The following BANK1 variants were observed in gnomAD, a reference collection of about 807,000 sequenced individuals.
The protein encoded by BANK1 is B-cell scaffold protein with ankyrin repeats.
Under a neutral mutation model 94.5 loss-of-function variants are expected in BANK1, and 95 were observed. That is an observed-to-expected ratio of 1.00 (90% CI 0.85 to 1.19). The LOEUF is 1.19. BANK1 is among the 50% of genes most tolerant of loss of function. The probability of loss-of-function intolerance (pLI) is 0.00; values close to 1 mark genes in which losing one functional copy is unlikely to be tolerated. For missense variants in BANK1, 987 were observed against 932.2 expected (o/e 1.06, Z -0.77); for synonymous variants, 334 against 308.4 (o/e 1.08, Z -0.87).
intron 7 of BANK1, among the ~76,000 whole-genome samples, chr4:101,992,435 C>G (rs1469021590): frequency 6.6e-6 from 1 of 152,040 alleles, no homozygotes; most frequent in African/African-American, 2.4e-5. Context: ...ACAAAAATAT[C>G]TTGGATTATG....
At chr4:101,885,423 A>G (rs1219641098) in intron 5 of BANK1, among the ~76,000 whole-genome samples, 1 of 152,190 alleles carries the variant, frequency 6.6e-6, no homozygotes, top group Non-Finnish European at 1.5e-5. Context: ...TTCCCAGACC[A>G]TGCCATGCAG....
chr4:101,872,752 C>A (rs1056354332), intron 5 of BANK1, among the ~76,000 whole-genome samples: 1 of 151,940 alleles, frequency 6.6e-6, no homozygotes, highest in African/African-American at 2.4e-5. Context: ...TTTAGGAGTT[C>A]GAGGCAGGTG....
chr4:101,880,118 G>A (rs4635818), intron 5 of BANK1, among the ~76,000 whole-genome samples: 11,452 of 152,044 alleles, frequency 0.075, 634 homozygotes, highest in Admixed American at 0.19. Flanking sequence ...ATAAATAAAG[G>A]CATCCAAACT....
chr4:101,906,111 G>A (rs1722438557), intron 6 of BANK1, among the ~76,000 whole-genome samples: 1 of 152,156 alleles, frequency 6.6e-6, no homozygotes, highest in Admixed American at 6.5e-5. Context: ...AGCCTGAATG[G>A]AAGTTTTATC....
rs374418937 is a variant in BANK1 at position 101,812,785 on chromosome 4, A to G, written c.71-17023A>G. On this transcript the variant is annotated intron_variant, in intron 1 of 16. Coordinates refer to ENST00000322953, the MANE Select transcript of BANK1 (RefSeq NM_017935.5). ...CAAAGCAACCCCACCAGGAATTTCC[A>G]ATGCTTCATTATTTCAGTTCAGAAA... Among the ~76,000 whole-genome samples the G allele has an allele frequency of 3.9e-5, 6 of 152,192 alleles. No individual in the cohort carries two copies. In the South Asian group the frequency reaches 1.2e-3, roughly 32 times the overall value.
chr4:101,797,286 G>T (rs184684972), intron 1 of BANK1, among the ~76,000 whole-genome samples: 2 of 152,098 alleles, frequency 1.3e-5, no homozygotes, highest in Non-Finnish European at 2.9e-5. Context: ...ATGTGACAAG[G>T]TTACACTCAC....
chr4:101,986,833 GTATA>G (rs1422267398), intron 7 of BANK1, among the ~76,000 whole-genome samples: 4 of 98,490 alleles, frequency 4.1e-5, no homozygotes, highest in African/African-American at 1.8e-4. Flanking sequence ...GTATATATAT[GTATA>G]TATATGTGTA....
At chr4:101,801,207 G>A (rs529007304) in intron 1 of BANK1, among the ~76,000 whole-genome samples, 1 of 152,094 alleles carries the variant, frequency 6.6e-6, no homozygotes, top group Admixed American at 6.6e-5. Context: ...AGTTTTCAAA[G>A]ACTGAGCACA....
intron 3 of BANK1, among the ~76,000 whole-genome samples, chr4:101,858,167 A>T (rs184123703): frequency 6.6e-6 from 1 of 152,268 alleles, no homozygotes; most frequent in African/African-American, 2.4e-5. Flanking sequence ...TCCCTCAAAG[A>T]AGTGGCTCTC....
intron 10 of BANK1, among the ~76,000 whole-genome samples, chr4:102,030,806 A>G (rs1727280863): frequency 6.6e-6 from 1 of 152,154 alleles, no homozygotes; most frequent in Non-Finnish European, 1.5e-5. Context: ...TCCATGGTGT[A>G]TATATGCCAC....
intron 7 of BANK1, among the ~76,000 whole-genome samples, chr4:101,939,558 G>C (rs181605441): frequency 8.6e-5 from 13 of 151,822 alleles, no homozygotes; most frequent in African/African-American, 2.9e-4. Flanking sequence ...GGAGTAGAGA[G>C]ACAGAGGTTG....
At chr4:101,814,748 T>A (rs1725844386) in intron 1 of BANK1, among the ~76,000 whole-genome samples, 1 of 152,216 alleles carries the variant, frequency 6.6e-6, no homozygotes, top group African/African-American at 2.4e-5. Context: ...CGTTTTTGTT[T>A]AACATTTTTG....
chr4:101,862,331 G>GCGT (rs1432401478), intron 3 of BANK1, among the ~76,000 whole-genome samples, 195 bp from the exon 4 acceptor site: 3 of 152,010 alleles, frequency 2.0e-5, no homozygotes, highest in Non-Finnish European at 4.4e-5. Flanking sequence ...ACAATAAAAA[G>GCGT]AAATTTGATA....
At chr4:101,913,478 T>G (rs945182625) in intron 6 of BANK1, among the ~76,000 whole-genome samples, 1 of 152,196 alleles carries the variant, frequency 6.6e-6, no homozygotes, top group Non-Finnish European at 1.5e-5. Flanking sequence ...CTTTGCTTCC[T>G]AGAATTACCT....
At chr4:101,959,407 G>A (rs1724489482) in intron 7 of BANK1, among the ~76,000 whole-genome samples, 1 of 152,062 alleles carries the variant, frequency 6.6e-6, no homozygotes, top group South Asian at 2.1e-4. Flanking sequence ...CAAAGTGCTG[G>A]GATTACAGGC....
intron 3 of BANK1, among the ~76,000 whole-genome samples, chr4:101,856,311 G>A (rs1213456019): frequency 6.6e-6 from 1 of 152,154 alleles, no homozygotes; most frequent in Non-Finnish European, 1.5e-5. Context: ...GAGACCCCAG[G>A]AAACGGAACT....
At chr4:102,065,422 G>C (rs1250731443) in intron 13 of BANK1, among the ~76,000 whole-genome samples, 1 of 152,082 alleles carries the variant, frequency 6.6e-6, no homozygotes, top group African/African-American at 2.4e-5. Context: ...ACAAGTTCTT[G>C]ACAGTAATTG....
At chr4:102,015,522 T>C (rs1726664502) in intron 7 of BANK1, among the ~76,000 whole-genome samples, 1 of 152,212 alleles carries the variant, frequency 6.6e-6, no homozygotes, top group Non-Finnish European at 1.5e-5. Context: ...GTAGATTAAA[T>C]TGACCTCAAA....
At chr4:102,012,761 G>A (rs1014480459) in intron 7 of BANK1, among the ~76,000 whole-genome samples, 3 of 151,652 alleles carry the variant, frequency 2.0e-5, no homozygotes, top group African/African-American at 7.3e-5. Context: ...GCTTGTTTTT[G>A]TTTGTTTGTT....
Sources: gnomAD v4.1 joint callset for allele counts (sites outside exome capture counted in the v4.1 genomes callset) on GRCh38, gnomAD v4.1.1 for gene constraint, MANE v1.5 for transcripts, NCBI Gene and HGNC (gene_info 2026-07-23, HGNC 2026-07-21) for gene names.